Variants in NKAIN2 observed in about 807,000 individuals in gnomAD.
NKAIN2 encodes sodium/potassium-transporting ATPase subunit beta-1-interacting protein 2.
Under a neutral mutation model 32.6 loss-of-function variants are expected in NKAIN2, and 14 were observed. The observed-to-expected ratio is 0.43, with a 90% CI of 0.28 to 0.67. NKAIN2 has a LOEUF of 0.67. Among genes scored for constraint, NKAIN2 ranks in the 30% least tolerant of loss-of-function variants. NKAIN2 has a pLI of 0.17. For missense variants in NKAIN2, 198 were observed against 258.3 expected (o/e 0.77, Z 1.60); for synonymous variants, 80 against 87.2 (o/e 0.92, Z 0.46).
chr6:124,699,652 G>T (rs1320559889), intron 4 of NKAIN2, among the ~76,000 whole-genome samples: 1 of 152,142 alleles, frequency 6.6e-6, no homozygotes, highest in Non-Finnish European at 1.5e-5. Context: ...AGCCATGTAA[G>T]ACATGCCTGC....
At chr6:124,387,660 C>T (rs373312828) in intron 3 of NKAIN2, among the ~76,000 whole-genome samples, 30 of 152,024 alleles carry the variant, frequency 2.0e-4, no homozygotes, top group Admixed American at 1.5e-3. Flanking sequence ...GTGCTACCAG[C>T]TAAATCTATA....
chr6:124,466,962 C>A (rs952908631), intron 3 of NKAIN2, among the ~76,000 whole-genome samples: 3 of 151,928 alleles, frequency 2.0e-5, no homozygotes, highest in Non-Finnish European at 4.4e-5. Context: ...GATAATAATG[C>A]CCTTTTCATA....
chr6:124,139,026 ACTT>A (rs1786989000), intron 1 of NKAIN2, among the ~76,000 whole-genome samples: 1 of 150,508 alleles, frequency 6.6e-6, no homozygotes, highest in East Asian at 1.9e-4. Context: ...CCACTAAAGA[ACTT>A]ATTCATGTAG....
At chr6:123,872,441 AG>A (rs982688703) in intron 1 of NKAIN2, among the ~76,000 whole-genome samples, 1 of 152,202 alleles carries the variant, frequency 6.6e-6, no homozygotes, top group African/African-American at 2.4e-5. Flanking sequence ...CCAGGCTCCC[AG>A]GGGTCTGGGG....
At chr6:124,578,274 A>T (rs1471599132) in intron 3 of NKAIN2, among the ~76,000 whole-genome samples, 1 of 152,006 alleles carries the variant, frequency 6.6e-6, no homozygotes, top group Non-Finnish European at 1.5e-5. Flanking sequence ...GGGGTCCCTG[A>T]TTCTAGGCCT....
chr6:124,611,098 A>AT lies in NKAIN2; in HGVS notation c.274-47088_274-47087insT, dbSNP rs577274301. 6.9e-3 allele frequency among the ~76,000 whole-genome samples: 1,056 copies of AT among 152,186 alleles called. 15 individuals are homozygous for AT. The highest frequency in any genetic ancestry group is 0.023 in the African/African-American group (945 of 41,548). On this transcript the variant is annotated intron_variant, in intron 3 of 6. Transcript: ENST00000368417. ...ACATTAATCAAGCAGTTTTCCTCTG[A>AT]CTTTTTTAACTGGAAATAGCTCATT...
At chr6:123,953,305 G>A (rs1562275404) in intron 1 of NKAIN2, among the ~76,000 whole-genome samples, 1 of 152,150 alleles carries the variant, frequency 6.6e-6, no homozygotes, top group Non-Finnish European at 1.5e-5. Flanking sequence ...CCCCAGGGTG[G>A]CGTATGTTGG....
At chr6:124,580,502 A>T (rs1193929583) in intron 3 of NKAIN2, among the ~76,000 whole-genome samples, 3 of 152,198 alleles carry the variant, frequency 2.0e-5, no homozygotes, top group Admixed American at 6.5e-5. Flanking sequence ...AAATCAAAAA[A>T]CATACAACAG....
Position 124,313,793 on chromosome 6 carries a change from A to C in NKAIN2, c.192+30651A>C, listed in dbSNP as rs1277632264. ...CCTTAAAGGATCTTTCAATAGCCTCATGATGGCAAAATCAATTTTCAATGC... is the reference window on the plus strand; with the variant it reads ...CCTTAAAGGATCTTTCAATAGCCTCCTGATGGCAAAATCAATTTTCAATGC... On this transcript the variant is annotated intron_variant, in intron 2 of 6. Transcript: ENST00000368417. 2.6e-5 allele frequency among the ~76,000 whole-genome samples: 4 copies of C among 152,158 alleles called. No individual in the cohort carries two copies. The East Asian group carries it at 7.7e-4, about 29-fold the overall frequency.
At chr6:124,347,867 G>A (rs35412295) in intron 2 of NKAIN2, among the ~76,000 whole-genome samples, 2,953 of 152,268 alleles carry the variant, frequency 0.019, 57 homozygotes, top group Non-Finnish European at 0.026. Flanking sequence ...GCTTTGTTCC[G>A]TTGCTGGTGA....
chr6:123,832,747 T>C (rs1774439762), intron 1 of NKAIN2, among the ~76,000 whole-genome samples: 1 of 152,242 alleles, frequency 6.6e-6, no homozygotes, highest in South Asian at 2.1e-4. Context: ...TTTTCTTGTA[T>C]GCTTATTTGA....
chr6:124,614,722 C>T (rs1782820242), intron 3 of NKAIN2, among the ~76,000 whole-genome samples: 1 of 151,878 alleles, frequency 6.6e-6, no homozygotes. Flanking sequence ...CCCTCCATTC[C>T]TCCTGAAGTC....
chr6:124,127,303 TC>T (rs1786222838), intron 1 of NKAIN2, among the ~76,000 whole-genome samples: 4 of 152,116 alleles, frequency 2.6e-5, no homozygotes, highest in Admixed American at 2.6e-4. Context: ...TAGTCACGGT[TC>T]AGAGGGGAAG....
chr6:124,120,067 A>G (rs1045388259), intron 1 of NKAIN2, among the ~76,000 whole-genome samples: 1 of 152,200 alleles, frequency 6.6e-6, no homozygotes, highest in Non-Finnish European at 1.5e-5. Flanking sequence ...TTAAGGAAGC[A>G]AAGAAAACAG....
chr6:124,223,175 T>C (rs550676442), intron 1 of NKAIN2, among the ~76,000 whole-genome samples: 9 of 128,482 alleles, frequency 7.0e-5, no homozygotes, highest in Non-Finnish European at 1.4e-4. Context: ...ATTGCGCCAC[T>C]GTACTCCAGC....
At chr6:123,855,423 A>G (rs147657832) in intron 1 of NKAIN2, among the ~76,000 whole-genome samples, 4 of 152,278 alleles carry the variant, frequency 2.6e-5, no homozygotes, top group African/African-American at 9.6e-5. Context: ...AAACACTTAA[A>G]CTTGTATTTT....
At chr6:124,561,348 C>T (rs1780684371) in intron 3 of NKAIN2, among the ~76,000 whole-genome samples, 1 of 152,142 alleles carries the variant, frequency 6.6e-6, no homozygotes, top group Non-Finnish European at 1.5e-5. Flanking sequence ...CATTTGCAAT[C>T]TCGTGTTTTA....
At chr6:123,890,764 G>A (rs1461394891) in intron 1 of NKAIN2, among the ~76,000 whole-genome samples, 1 of 152,116 alleles carries the variant, frequency 6.6e-6, no homozygotes, top group Non-Finnish European at 1.5e-5. Context: ...ACTATGGAAA[G>A]CAGTTTGGCA....
intron 1 of NKAIN2, among the ~76,000 whole-genome samples, chr6:123,977,248 T>C (rs972655252): frequency 6.6e-6 from 1 of 152,144 alleles, no homozygotes; most frequent in Non-Finnish European, 1.5e-5. Context: ...TACTAAGCTC[T>C]CTGTTAGTGA....
Sources: allele counts gnomAD v4.1 joint callset (sites outside exome capture counted in the v4.1 genomes callset), GRCh38; gene constraint gnomAD v4.1.1; transcripts MANE v1.5; gene names NCBI Gene and HGNC (gene_info 2026-07-23, HGNC 2026-07-21).